Variants in ZCCHC24 observed in about 807,000 individuals in gnomAD.
ZCCHC24 encodes the protein zinc finger CCHC domain-containing protein 24.
A neutral mutation model predicts 26.2 loss-of-function variants in ZCCHC24; 10 were observed. The ratio of observed to expected loss-of-function variants is 0.38; its 90% CI spans 0.24 to 0.65. ZCCHC24 has a LOEUF of 0.65. ZCCHC24 is among the 30% of genes least tolerant of loss of function. The pLI is 0.54. For synonymous variants in ZCCHC24, 144 were observed against 147.1 expected (o/e 0.98, Z 0.15); for missense variants, 243 against 329.1 (o/e 0.74, Z 2.03).
intron 2 of ZCCHC24, among the ~76,000 whole-genome samples, chr10:79,427,829 T>C (rs1857054615): frequency 6.6e-6 from 1 of 151,984 alleles, no homozygotes; most frequent in African/African-American, 2.4e-5. Context: ...CAATGAGTTA[T>C]GATCACAGCA....
chr10:79,382,478 A>T lies in ZCCHC24; in HGVS notation c.*3867T>A, dbSNP rs1382678774. ...CGGAGCCTTCTCCACGCACCTTCCG[A>T]GCTGGGCCCACGGGTTCTGTTTTGT... On this transcript the variant is annotated 3_prime_UTR_variant, in exon 4 of 4. Transcript: ENST00000372336. 6.5e-6 allele frequency: 1 copy of T among 152,872 alleles called. No homozygotes were observed. Among genetic ancestry groups the T allele is most frequent in the Non-Finnish European group, 1.5e-5 (1 of 68,128 alleles). The allele number at this position is 152,872 out of a possible 1,614,324, so 9.5% of individuals were successfully genotyped here. A position where few individuals can be genotyped will look rare whatever the true frequency, so the allele number is the denominator to read the frequency against.
intron 1 of ZCCHC24, among the ~76,000 whole-genome samples, chr10:79,441,866 T>A (rs1037995901): frequency 6.6e-6 from 1 of 152,184 alleles, no homozygotes; most frequent in African/African-American, 2.4e-5. Flanking sequence ...CAGCCACATC[T>A]CCCTGGAGGC....
At chr10:79,429,137 T>A (rs7076301) in intron 2 of ZCCHC24, among the ~76,000 whole-genome samples, 47,242 of 152,090 alleles carry the variant, frequency 0.31, 7,971 homozygotes, top group East Asian at 0.47. Context: ...ATAACATGGA[T>A]GAACCATGAA....
intron 2 of ZCCHC24, among the ~76,000 whole-genome samples, chr10:79,414,180 C>T (rs1233661083): frequency 6.6e-6 from 1 of 152,240 alleles, no homozygotes; most frequent in Non-Finnish European, 1.5e-5. Context: ...TGGCGGCCAA[C>T]TGCCCAGATG....
intron 2 of ZCCHC24, among the ~76,000 whole-genome samples, chr10:79,416,215 G>C (rs924579418): frequency 1.3e-5 from 2 of 152,250 alleles, no homozygotes; most frequent in African/African-American, 2.4e-5. Context: ...TAGAGGGACA[G>C]GATGCATATT....
intron 1 of ZCCHC24, among the ~76,000 whole-genome samples, chr10:79,437,813 CAA>C (rs1249719401): frequency 2.0e-5 from 3 of 152,336 alleles, no homozygotes; most frequent in African/African-American, 7.2e-5. Flanking sequence ...GCAAGCCTGA[CAA>C]GAGGGACTTC....
chr10:79,396,396 G>A (rs932401513), intron 2 of ZCCHC24, among the ~76,000 whole-genome samples: 2 of 152,164 alleles, frequency 1.3e-5, no homozygotes, highest in African/African-American at 2.4e-5. Context: ...ACAGAAATAC[G>A]ACCACACTGG....
chr10:79,418,225 G>A (rs1049406983), intron 2 of ZCCHC24, among the ~76,000 whole-genome samples: 19 of 152,182 alleles, frequency 1.2e-4, no homozygotes, highest in Admixed American at 7.2e-4. Context: ...CTCAAAGCGC[G>A]TTCACCTGTC....
At chr10:79,438,382 G>A (rs1190951987) in intron 1 of ZCCHC24, among the ~76,000 whole-genome samples, 4 of 152,212 alleles carry the variant, frequency 2.6e-5, no homozygotes, top group Admixed American at 2.6e-4. Context: ...ATATACAGAG[G>A]TGGACACCAG....
chr10:79,401,546 AAAG>A (rs1271995099), intron 2 of ZCCHC24, among the ~76,000 whole-genome samples: 1 of 152,202 alleles, frequency 6.6e-6, no homozygotes, highest in Non-Finnish European at 1.5e-5. Context: ...AGGATTGCAC[AAAG>A]AAGAGACCCA....
At chr10:79,419,306 C>T (rs1856908874) in intron 2 of ZCCHC24, among the ~76,000 whole-genome samples, 1 of 152,224 alleles carries the variant, frequency 6.6e-6, no homozygotes, top group Non-Finnish European at 1.5e-5. Context: ...CCAAGCCCTG[C>T]ATTAGACGCT....
chr10:79,403,358 C>T, intron 2 of ZCCHC24: 1 of 984,770 alleles, frequency 1.0e-6, no homozygotes, highest in East Asian at 1.1e-4. Flanking sequence ...GAGCCCCTGG[C>T]TTTTCCTTCC....
At chr10:79,407,770 G>A (rs1272914092) in intron 2 of ZCCHC24, among the ~76,000 whole-genome samples, 2 of 152,218 alleles carry the variant, frequency 1.3e-5, no homozygotes, top group African/African-American at 2.4e-5. Context: ...GGAGTGGAGC[G>A]CAGGGCTCCT....
rs1347196135 is a variant in ZCCHC24, at chr10:79,385,903, A to G, written c.*442T>C. The G allele has an allele frequency of 5.3e-6, 2 of 374,650 alleles. No individual in the cohort carries two copies. Among genetic ancestry groups the G allele is most frequent in the East Asian group, 4.0e-5 (1 of 25,314 alleles). 23.2% of individuals were successfully genotyped at this position (374,650 alleles called of 1,614,324 possible). A position where few individuals can be genotyped will look rare whatever the true frequency, so the allele number is the denominator to read the frequency against. The stretch of plus-strand genomic sequence containing the variant: ...GGGATTTCTGAGAGTGGCTTTCCAT[A>G]CAGGGCAAACCGGAAGGTTCTGGGT... On this transcript the variant is annotated 3_prime_UTR_variant, in exon 4 of 4. Transcript: ENST00000372336. The surrounding 1 kb of genome is among the most constrained non-coding windows in gnomAD (Gnocchi z 4.3).
chr10:79,434,245 G>A (rs1463055317), intron 1 of ZCCHC24, among the ~76,000 whole-genome samples: 1 of 152,164 alleles, frequency 6.6e-6, no homozygotes, highest in East Asian at 1.9e-4. Context: ...GATTTCAATG[G>A]GTCCAACTGA....
At chr10:79,438,285 A>G (rs530618821) in intron 1 of ZCCHC24, among the ~76,000 whole-genome samples, 115 of 152,212 alleles carry the variant, frequency 7.6e-4, no homozygotes, top group African/African-American at 2.7e-3. Flanking sequence ...TCATCTCGCA[A>G]ATGAATCCAC....
chr10:79,440,895 A>C (rs2132225789), intron 1 of ZCCHC24, among the ~76,000 whole-genome samples: 1 of 152,306 alleles, frequency 6.6e-6, no homozygotes, highest in Middle Eastern at 3.4e-3. Flanking sequence ...ATGCCTGTCC[A>C]GTCAACGTAA....
intron 1 of ZCCHC24, among the ~76,000 whole-genome samples, chr10:79,438,253 T>C (rs1857243375): frequency 1.3e-5 from 2 of 152,008 alleles, no homozygotes; most frequent in Non-Finnish European, 2.9e-5. Context: ...CCCACACTCC[T>C]CTGTTTGGGA....
chr10:79,385,374 T>C lies in ZCCHC24; in HGVS notation c.*971A>G, dbSNP rs1856374263. ...AAATGGGCCCTCTGCTCTCTAGTGT[T>C]ATGCTGTCATTTAACTAATGGGGAA... On this transcript the variant is annotated 3_prime_UTR_variant, in exon 4 of 4. Transcript: ENST00000372336. The surrounding 1 kb of genome is among the most constrained non-coding windows in gnomAD (Gnocchi z 4.3). 1 of 152,236 alleles carries C rather than the reference T, an allele frequency of 6.6e-6. No individual in the cohort carries two copies. Among genetic ancestry groups the C allele is most frequent in the South Asian group, 2.1e-4 (1 of 4,834 alleles). 9.4% of individuals were successfully genotyped at this position (152,236 alleles called of 1,614,324 possible). A position where few individuals can be genotyped will look rare whatever the true frequency, so the allele number is the denominator to read the frequency against.
Sources: allele counts gnomAD v4.1 joint callset (sites outside exome capture counted in the v4.1 genomes callset), GRCh38; gene constraint gnomAD v4.1.1; non-coding constraint Gnocchi (gnomAD v3.1); transcripts MANE v1.5; gene names NCBI Gene and HGNC (gene_info 2026-07-23, HGNC 2026-07-21).